The following ROR2 variants were observed in gnomAD, a reference collection of about 807,000 sequenced individuals.
ROR2 encodes ROR family WNT receptor 2, also known as tyrosine-protein kinase transmembrane receptor ROR2.
A neutral mutation model predicts 74.9 loss-of-function variants in ROR2; 33 were observed. The observed-to-expected ratio is 0.44, with a 90% confidence interval of 0.33 to 0.59. The LOEUF is 0.59. Among genes scored for constraint, ROR2 ranks in the 20% least tolerant of loss-of-function variants. The pLI is 0.02. For missense variants in ROR2, 1,216 were observed against 1,313.8 expected (o/e 0.93, Z 1.15); for synonymous variants, 586 against 558.7 (o/e 1.05, Z -0.69).
At chr9:91,892,590 CTT>C (rs547073635) in intron 1 of ROR2, among the ~76,000 whole-genome samples, 28,123 of 104,684 alleles carry the variant, frequency 0.27, 2,924 homozygotes, top group Admixed American at 0.39. Flanking sequence ...CTTTTCTTTT[CTT>C]TTTTTTTTTT....
chr9:91,741,301 G>GTAATAATAA (rs747307979), intron 4 of ROR2, among the ~76,000 whole-genome samples: 1,057 of 100,592 alleles, frequency 0.011, 8 homozygotes, highest in Middle Eastern at 0.042. Flanking sequence ...TCTGTCTCAA[G>GTAATAATAA]TAGTAATAAT....
At chr9:91,931,831 C>T (rs1192590259) in intron 1 of ROR2, among the ~76,000 whole-genome samples, 1 of 152,184 alleles carries the variant, frequency 6.6e-6, no homozygotes, top group African/African-American at 2.4e-5. Flanking sequence ...GCTAAAGCTA[C>T]ACTCATGGGA....
At chr9:91,802,806 CACT>C (rs1827430583) in intron 1 of ROR2, among the ~76,000 whole-genome samples, 1 of 152,124 alleles carries the variant, frequency 6.6e-6, no homozygotes. Context: ...GGAACCACCA[CACT>C]ATGACTCCAA....
Position 91,949,919 on chromosome 9 carries a change from G to A in ROR2, c.45C>T (p.Ile15=), listed in dbSNP as rs1832128241. 6.5e-7 allele frequency: 1 copy of A among 1,537,174 alleles called. No individual in the cohort carries two copies. The highest frequency in any genetic ancestry group is 2.5e-5 in the East Asian group (1 of 40,034). ...SALPRRPLLC[I]PAVWAAAALL... is the part of the protein sequence containing the mutation. ...GCGCGGCGGCCGCCCAGACGGCCGGGATGCACAGCAGCGGCCGCCGCGGGA... is the reference window on the plus strand; with the variant it reads ...GCGCGGCGGCCGCCCAGACGGCCGGAATGCACAGCAGCGGCCGCCGCGGGA... The change falls in exon 1 of 9, where the codon ATC becomes ATT. Residue 15 remains isoleucine, a synonymous_variant. Coordinates refer to ENST00000375708, the MANE Select transcript of ROR2 (RefSeq NM_004560.4).
At chr9:91,949,527 C>G (rs1386468587) in intron 1 of ROR2, among the ~76,000 whole-genome samples, 1 of 151,794 alleles carries the variant, frequency 6.6e-6, no homozygotes, top group African/African-American at 2.4e-5. Flanking sequence ...CATCTGCGGA[C>G]TCGGGTCCCG....
chr9:91,900,342 G>A (rs1254364104), intron 1 of ROR2, among the ~76,000 whole-genome samples: 4 of 152,220 alleles, frequency 2.6e-5, no homozygotes, highest in South Asian at 2.1e-4. Flanking sequence ...GCTGCCTCCC[G>A]CACAAGATGG....
At chr9:91,878,631 C>T (rs186707378) in intron 1 of ROR2, among the ~76,000 whole-genome samples, 1 of 152,248 alleles carries the variant, frequency 6.6e-6, no homozygotes, top group Non-Finnish European at 1.5e-5. Context: ...TGGAAAGCCA[C>T]TTGGAGGCTG....
intron 4 of ROR2, among the ~76,000 whole-genome samples, chr9:91,739,513 T>A (rs143584454): frequency 0.074 from 7,850 of 105,752 alleles, 349 homozygotes; most frequent in South Asian, 0.21. Flanking sequence ...TCTTTAAATT[T>A]AAAAAAAAAA....
chr9:91,795,228 A>G (rs1175722078), intron 1 of ROR2, among the ~76,000 whole-genome samples: 4 of 152,192 alleles, frequency 2.6e-5, no homozygotes, highest in African/African-American at 9.6e-5. Context: ...CATTTCTAAT[A>G]TGAGACAGAG....
At chr9:91,755,703 T>G (rs1016399876) in intron 4 of ROR2, among the ~76,000 whole-genome samples, 1 of 152,224 alleles carries the variant, frequency 6.6e-6, no homozygotes, top group African/African-American at 2.4e-5. Flanking sequence ...TAACTGCAGC[T>G]GGTAGTGCTG....
rs532474219 is a variant in ROR2, at chr9:91,859,391, G to A, written c.98-83573C>T. On this transcript the variant is annotated intron_variant, in intron 1 of 8. Transcript: ENST00000375708. ...ATTTTGTATTTTTAGTAGAGATGGT[G>A]TTTCACCATGTTGGCCAGGATGGTC... 1.8e-4 allele frequency among the ~76,000 whole-genome samples: 27 copies of A among 152,110 alleles called. No homozygotes were observed. The East Asian group carries it at 5.0e-3, about 28-fold the overall frequency.
chr9:91,917,948 C>T (rs1462619945), intron 1 of ROR2, among the ~76,000 whole-genome samples: 3 of 152,206 alleles, frequency 2.0e-5, no homozygotes, highest in Admixed American at 6.5e-5. Context: ...GTAACCTCCA[C>T]CCAGTGATCC....
At chr9:91,937,446 C>G (rs1364014196) in intron 1 of ROR2, among the ~76,000 whole-genome samples, 1 of 152,020 alleles carries the variant, frequency 6.6e-6, no homozygotes, top group Non-Finnish European at 1.5e-5. Flanking sequence ...ACCCAGAGAT[C>G]CAGACGCCCC....
chr9:91,886,451 G>A (rs542722748), intron 1 of ROR2, among the ~76,000 whole-genome samples: 3 of 152,010 alleles, frequency 2.0e-5, no homozygotes, highest in Admixed American at 2.0e-4. Flanking sequence ...CCCACACCGC[G>A]ATCTGTCTAC....
chr9:91,904,261 G>A (rs187839176), intron 1 of ROR2, among the ~76,000 whole-genome samples: 82 of 152,274 alleles, frequency 5.4e-4, no homozygotes, highest in Admixed American at 4.4e-3. Context: ...ATCATGGAAG[G>A]ATCCCGGGGT....
At chr9:91,844,645 C>T (rs567829130) in intron 1 of ROR2, among the ~76,000 whole-genome samples, 1 of 152,188 alleles carries the variant, frequency 6.6e-6, no homozygotes, top group Admixed American at 6.5e-5. Flanking sequence ...ACTGCAGCCC[C>T]GGATGGGCCC....
At chr9:91,732,128 C>T (rs1017499650) in intron 6 of ROR2, among the ~76,000 whole-genome samples, 1 of 152,150 alleles carries the variant, frequency 6.6e-6, no homozygotes, top group African/African-American at 2.4e-5. Flanking sequence ...CTGGCCATTC[C>T]TGGACCCCCA....
At chr9:91,889,078 T>G (rs1175279469) in intron 1 of ROR2, among the ~76,000 whole-genome samples, 1 of 152,214 alleles carries the variant, frequency 6.6e-6, no homozygotes, top group Non-Finnish European at 1.5e-5. Context: ...GAGCTGGAGC[T>G]TCATTCCCCC....
chr9:91,874,981 T>C (rs1829916244), intron 1 of ROR2, among the ~76,000 whole-genome samples: 2 of 151,306 alleles, frequency 1.3e-5, no homozygotes, highest in South Asian at 4.2e-4. Flanking sequence ...TATCAGCTGA[T>C]TCTCACCAAA....
Sources: gnomAD v4.1 joint callset for allele counts (sites outside exome capture counted in the v4.1 genomes callset) on GRCh38, gnomAD v4.1.1 for gene constraint, MANE v1.5 for transcripts, NCBI Gene and HGNC (gene_info 2026-07-23, HGNC 2026-07-21) for gene names.